LDLRAD4: variants seen among roughly 807,000 people sequenced by gnomAD.
LDLRAD4 encodes low-density lipoprotein receptor class A domain-containing protein 4.
A neutral mutation model predicts 17.0 loss-of-function variants in LDLRAD4; 5 were observed. That is an observed-to-expected ratio of 0.29 (90% CI 0.15 to 0.62). The LOEUF (loss-of-function observed/expected upper bound fraction) is 0.62, where lower values mean the gene tolerates loss of function less well. Ranked by LOEUF, LDLRAD4 falls within the 20% of genes least tolerant of loss-of-function variation. The pLI is 0.84. For synonymous variants in LDLRAD4, 168 were observed against 171.8 expected, an observed-to-expected ratio of 0.98 and a Z score of 0.17; for missense variants, 340 against 424.7, an observed-to-expected ratio of 0.80 and a Z score of 1.75.
At chr18:13,231,167 C>T (rs548764276) in intron 1 of LDLRAD4, among the ~76,000 whole-genome samples, 28 of 152,036 alleles carry the variant, frequency 1.8e-4, no homozygotes, top group Non-Finnish European at 2.8e-4. Flanking sequence ...AGTTCAGAGG[C>T]GTATAGATGT....
intron 3 of LDLRAD4, among the ~76,000 whole-genome samples, chr18:13,577,448 C>G (rs2094791284): frequency 2.0e-5 from 3 of 152,068 alleles, no homozygotes. Context: ...CAGCTTTTTA[C>G]TGTGGTGATG....
At chr18:13,251,020 A>G (rs964866221) in intron 1 of LDLRAD4, among the ~76,000 whole-genome samples, 7 of 152,250 alleles carry the variant, frequency 4.6e-5, no homozygotes, top group Admixed American at 4.6e-4. Context: ...TCAAAAAGCT[A>G]GTACATGATG....
At chr18:13,309,712 C>A (rs770638138) in intron 1 of LDLRAD4, among the ~76,000 whole-genome samples, 1 of 151,884 alleles carries the variant, frequency 6.6e-6, no homozygotes, top group African/African-American at 2.4e-5. Context: ...TCCTGTGGCT[C>A]GGGAGGTGTG....
rs1411613354 is a variant in LDLRAD4 at position 13,262,139 on chromosome 18, G to T, written c.-466-15966G>T. Among the ~76,000 whole-genome samples the T allele has an allele frequency of 3.1e-5, 4 of 129,486 alleles. No homozygotes were observed. In the South Asian group the frequency reaches 1.0e-3, roughly 34 times the overall value. The allele number at this position is 129,486 out of a possible 152,430, so 84.9% of individuals were successfully genotyped here. A position where few individuals can be genotyped will look rare whatever the true frequency, so the allele number is the denominator to read the frequency against. On this transcript the variant is annotated intron_variant, in intron 1 of 5. Coordinates refer to the LDLRAD4 transcript ENST00000399848. Reference sequence around the variant, plus strand: ...CCGTGCAGCTCTGTGCGTGGAAACTGAGTCCCGTGCGGCTCTGTGCGTGGG... The same window carrying T: ...CCGTGCAGCTCTGTGCGTGGAAACTTAGTCCCGTGCGGCTCTGTGCGTGGG...
intron 2 of LDLRAD4, among the ~76,000 whole-genome samples, chr18:13,413,450 A>C (rs1313552534): frequency 6.6e-6 from 1 of 152,192 alleles, no homozygotes; most frequent in African/African-American, 2.4e-5. Context: ...TATCTTTGTA[A>C]ATTGAATTGC....
chr18:13,570,042 G>A (rs933838771), intron 3 of LDLRAD4, among the ~76,000 whole-genome samples: 4 of 152,202 alleles, frequency 2.6e-5, no homozygotes, highest in African/African-American at 9.7e-5. Flanking sequence ...TTTGGGGGAA[G>A]GGGTTGTATT....
chr18:13,532,437 A>G (rs1441530353), intron 3 of LDLRAD4, among the ~76,000 whole-genome samples: 1 of 152,178 alleles, frequency 6.6e-6, no homozygotes, highest in Non-Finnish European at 1.5e-5. Flanking sequence ...ATTTCCAAAC[A>G]GGTCAGGCCC....
chr18:13,518,304 C>T (rs888138885), intron 3 of LDLRAD4, among the ~76,000 whole-genome samples: 2 of 152,180 alleles, frequency 1.3e-5, no homozygotes, highest in Non-Finnish European at 2.9e-5. Flanking sequence ...TAGTTCACTC[C>T]TCAGCTGTGT....
chr18:13,509,595 A>G (rs1195654105), intron 3 of LDLRAD4, among the ~76,000 whole-genome samples: 1 of 152,232 alleles, frequency 6.6e-6, no homozygotes, highest in Non-Finnish European at 1.5e-5. Flanking sequence ...TATTGTTGAA[A>G]TGACAACAAA....
chr18:13,635,526 C>G (rs1359765171), intron 4 of LDLRAD4, among the ~76,000 whole-genome samples: 2 of 152,188 alleles, frequency 1.3e-5, no homozygotes, highest in Non-Finnish European at 2.9e-5. Flanking sequence ...TAAAGACAAT[C>G]ATTTGGAAGA....
intron 3 of LDLRAD4, among the ~76,000 whole-genome samples, chr18:13,620,613 G>A (rs1036479327): frequency 5.3e-5 from 8 of 152,232 alleles, no homozygotes; most frequent in African/African-American, 1.2e-4. Flanking sequence ...AATCTTTGGG[G>A]TGGTGGTGTC....
rs746405765 is a variant in LDLRAD4 at position 13,643,353 on chromosome 18, C to T, written c.337-6C>T. Reference sequence around the variant, plus strand: ...CCCCCACTCTCCTCCCCTTCCCCTCCGCCAGGAAGGGTGCCTGTGGCCTTC... The same window carrying T: ...CCCCCACTCTCCTCCCCTTCCCCTCTGCCAGGAAGGGTGCCTGTGGCCTTC... On this transcript the variant is annotated splice_polypyrimidine_tract_variant and splice_region_variant and intron_variant, in intron 4 of 5. Coordinates refer to ENST00000359446, the Ensembl canonical transcript of LDLRAD4. 2.2e-5 allele frequency: 32 copies of T among 1,464,692 alleles called. No homozygotes were observed. The highest frequency in any genetic ancestry group is 1.8e-4 in the Middle Eastern group (1 of 5,624). The allele number at this position is 1,464,692 out of a possible 1,614,324, so 90.7% of individuals were successfully genotyped here.
chr18:13,233,995 G>C (rs1346636330), intron 1 of LDLRAD4, among the ~76,000 whole-genome samples: 1 of 152,076 alleles, frequency 6.6e-6, no homozygotes, highest in Non-Finnish European at 1.5e-5. Flanking sequence ...CACTTCTTTC[G>C]TCACCTTTTC....
intron 3 of LDLRAD4, among the ~76,000 whole-genome samples, chr18:13,568,116 G>A (rs1302870509): frequency 6.6e-6 from 1 of 152,064 alleles, no homozygotes; most frequent in Non-Finnish European, 1.5e-5. Context: ...CCAACATGGC[G>A]AAACCTGTCT....
At chr18:13,527,448 C>T (rs1015332148) in intron 3 of LDLRAD4, among the ~76,000 whole-genome samples, 2 of 152,236 alleles carry the variant, frequency 1.3e-5, no homozygotes, top group African/African-American at 4.8e-5. Flanking sequence ...CCGAGGGAGC[C>T]TGTTGCACAC....
intron 3 of LDLRAD4, chr18:13,611,433 A>G: frequency 1.0e-6 from 1 of 985,158 alleles, no homozygotes; most frequent in Non-Finnish European, 1.2e-6. Context: ...GAAAACTGCG[A>G]CAGACTCGCA....
At chr18:13,356,552 C>G (rs2083354202) in intron 1 of LDLRAD4, among the ~76,000 whole-genome samples, 1 of 152,058 alleles carries the variant, frequency 6.6e-6, no homozygotes, top group Non-Finnish European at 1.5e-5. Context: ...AAAGTTTTAC[C>G]TTTTTATTGT....
intron 2 of LDLRAD4, among the ~76,000 whole-genome samples, chr18:13,417,473 C>T (rs1345701791): frequency 1.3e-5 from 2 of 150,294 alleles, no homozygotes; most frequent in Non-Finnish European, 3.0e-5. Flanking sequence ...CACTCTGTCA[C>T]CCAGGCTGGA....
chr18:13,297,134 G>A (rs982754414), intron 1 of LDLRAD4, among the ~76,000 whole-genome samples: 2 of 152,106 alleles, frequency 1.3e-5, no homozygotes, highest in Non-Finnish European at 2.9e-5. Flanking sequence ...ATTTTGCTTC[G>A]TGTTCTGAAA....
Sources: allele counts gnomAD v4.1 joint callset (sites outside exome capture counted in the v4.1 genomes callset), GRCh38; gene constraint gnomAD v4.1.1; transcripts MANE v1.5; gene names NCBI Gene and HGNC (gene_info 2026-07-23, HGNC 2026-07-21).